Variants in CEP192 observed in about 807,000 individuals in gnomAD.
CEP192 encodes the protein centrosomal protein 192, also known as centrosomal protein of 192 kDa.
In CEP192, 151 loss-of-function variants were observed where a neutral mutation model predicts 271.8. The ratio of observed to expected loss-of-function variants is 0.56; its 90% confidence interval spans 0.49 to 0.64. The LOEUF (loss-of-function observed/expected upper bound fraction) is 0.64. Ranked by LOEUF, CEP192 falls within the 30% of genes least tolerant of loss-of-function variation. The pLI is 0.00. For missense variants in CEP192, 2,910 were observed against 3,020.5 expected, an observed-to-expected ratio of 0.96 and a Z score of 0.86; for synonymous variants, 995 against 1,076.5, an observed-to-expected ratio of 0.92 and a Z score of 1.48.
rs375604940 is a variant in CEP192 at position 13,115,374 on chromosome 18, C to T, written c.7290-1003C>T. On this transcript the variant is annotated intron_variant, in intron 42 of 44. Transcript: ENST00000506447. ...TTAAGTTGAGGAGGATGAGTGGAAA[C>T]GGCCTAGGTGAGGAGGGTCGGAGAA... Among the ~76,000 whole-genome samples, 146 of 152,234 alleles carry T rather than the reference C, an allele frequency of 9.6e-4. 1 individual carries two copies. The highest frequency in any genetic ancestry group is 2.9e-3 in the African/African-American group (121 of 41,532).
intron 21 of CEP192, among the ~76,000 whole-genome samples, chr18:13,064,112 C>A (rs1598487956): frequency 6.6e-6 from 1 of 151,734 alleles, no homozygotes; most frequent in Admixed American, 6.6e-5. Flanking sequence ...AGCCACTGTG[C>A]CTGGCCCCAG....
At chr18:13,124,429 GT>G in intron 44 of CEP192, 1 of 467,552 alleles carries the variant, frequency 2.1e-6, no homozygotes, top group Non-Finnish European at 3.8e-6. Flanking sequence ...ATGCAATACT[GT>G]TTTAATCCAA....
rs1379546085 is a variant in CEP192 at position 13,004,703 on chromosome 18, C to T, written c.290+3121C>T. On this transcript the variant is annotated intron_variant, in intron 3 of 44. Coordinates refer to ENST00000506447, the MANE Select transcript of CEP192 (RefSeq NM_032142.4). The stretch of plus-strand genomic sequence containing the variant: ...ATGGGACCACAGGAAAATGAATGGA[C>T]AGAGTTGAAATGTTAGGATTCCTGG... Among the ~76,000 whole-genome samples the T allele has an allele frequency of 5.3e-5, 8 of 152,054 alleles. No individual in the cohort carries two copies. The East Asian group carries it at 1.3e-3, about 26-fold the overall frequency.
chr18:13,045,474 G>T (rs2036425546), intron 15 of CEP192, among the ~76,000 whole-genome samples: 1 of 152,126 alleles, frequency 6.6e-6, no homozygotes, highest in Admixed American at 6.5e-5. Flanking sequence ...CTCAGCATTT[G>T]TTCAATTTTT....
chr18:13,072,801 C>G lies in CEP192; in HGVS notation c.5395C>G (p.His1799Asp). 1 of 1,612,982 alleles carries G rather than the reference C, an allele frequency of 6.2e-7. No homozygotes were observed. Among genetic ancestry groups the G allele is most frequent in the Non-Finnish European group, 8.5e-7 (1 of 1,178,914 alleles). The change falls in exon 29 of 45, where the codon CAT (histidine) becomes GAT (aspartate). Residue 1799 changes from histidine to aspartate, a missense_variant. By Grantham distance (81) the His-to-Asp change is moderately conservative (BLOSUM62 -1). Transcript: ENST00000506447. ...LRNNSASTTQ[H>D]LRLLIRGQDQ... is the part of the protein sequence containing the mutation. ...AAATAATTCTGCATCTACAACTCAA[C>G]ATTTACGACTGCTTATTAGAGGACA...
At position 13,029,844 on chromosome 18, in the gene CEP192, A is replaced by T. The variant is rs968535062; in HGVS notation, c.1232A>T (p.Asp411Val). ...GTTTTGCACATGGATGGATGTTTAG[A>T]CACTGAGACTCCTACGGTGTCCATT... ...KTVLHMDGCL[D>V]TETPTVSIQE... Residue 411 changes from aspartate to valine, a missense_variant, in exon 10 of 45, where the codon GAC (aspartate) becomes GTC (valine). Asp to Val is a radical substitution (Grantham distance 152). Transcript: ENST00000506447. The T allele has an allele frequency of 1.5e-5, 24 of 1,551,598 alleles. 1 individual carries two copies. In the African/African-American group the frequency reaches 3.0e-4, roughly 19 times the overall value.
chr18:13,087,588 G>A lies in CEP192; in HGVS notation c.5935G>A (p.Glu1979Lys), dbSNP rs377595356. 12 of 1,586,570 alleles carry A rather than the reference G, an allele frequency of 7.6e-6. No individual in the cohort carries two copies. Among genetic ancestry groups the A allele is most frequent in the Non-Finnish European group, 9.4e-6 (11 of 1,166,382 alleles). The change falls in exon 32 of 45, where the codon GAA (glutamate) becomes AAA (lysine). Residue 1979 changes from glutamate to lysine, a missense_variant. Coordinates refer to ENST00000506447, the MANE Select transcript of CEP192 (RefSeq NM_032142.4). Reference protein sequence around the residue: ...DRGINNKTATELSTVYLFGGD... With the variant: ...DRGINNKTATKLSTVYLFGGD... ...AGGAATCAATAATAAAACTGCAACA[G>A]AACTATCAACTGTATACTTATTTGG...
chr18:13,012,830 C>T (rs1339322802), intron 4 of CEP192, 143 bp from the exon 5 acceptor site: 2 of 493,894 alleles, frequency 4.0e-6, no homozygotes, highest in Non-Finnish European at 7.2e-6. Context: ...TGTAACTGAC[C>T]TATGATGGAT....
chr18:13,037,956 A>G (rs1385705523), intron 12 of CEP192, among the ~76,000 whole-genome samples: 1 of 152,128 alleles, frequency 6.6e-6, no homozygotes, highest in Non-Finnish European at 1.5e-5. Context: ...CTTATTTTGA[A>G]GATTCAAAAT....
At chr18:13,034,820 TAAA>T (rs33997079) in intron 11 of CEP192, among the ~76,000 whole-genome samples, 6 of 104,518 alleles carry the variant, frequency 5.7e-5, no homozygotes, top group African/African-American at 1.4e-4. Context: ...CTCTGTCTCA[TAAA>T]AAAAAAAAAA....
chr18:13,078,287 A>T (rs2038396935), intron 30 of CEP192, among the ~76,000 whole-genome samples: 1 of 152,136 alleles, frequency 6.6e-6, no homozygotes, highest in African/African-American at 2.4e-5. Flanking sequence ...GCTGTATAGT[A>T]TTCTATGGTG....
At chr18:13,009,833 A>G (rs2034226111) in intron 4 of CEP192, among the ~76,000 whole-genome samples, 1 of 152,304 alleles carries the variant, frequency 6.6e-6, no homozygotes, top group East Asian at 1.9e-4. Context: ...CCTTCGTCTC[A>G]AAAAGAAAAA....
chr18:13,104,875 C>T (rs2039879254), intron 39 of CEP192, 109 bp from the exon 40 acceptor site: 14 of 834,928 alleles, frequency 1.7e-5, no homozygotes, highest in African/African-American at 3.4e-5. Context: ...TTTTTGTCCA[C>T]TGCTAAGTGT....
intron 18 of CEP192, among the ~76,000 whole-genome samples, chr18:13,053,484 T>C (rs573783895): frequency 3.9e-5 from 6 of 152,240 alleles, no homozygotes; most frequent in African/African-American, 1.4e-4. Context: ...GAAGCAGAGT[T>C]AACACATGGG....
At chr18:13,096,437 T>C (rs556371) in intron 36 of CEP192, 130 bp downstream of exon 36, 769,091 of 1,194,130 alleles carry the variant, frequency 0.64, 252,734 homozygotes, top group African/African-American at 0.89. Context: ...GCACAAAGCA[T>C]GTGCATGGTT....
At position 13,087,646 on chromosome 18, in the gene CEP192, G is replaced by A. The variant is rs1346559757; in HGVS notation, c.5993G>A (p.Arg1998Lys). Residue 1998 changes from arginine (R) to lysine (K), a missense_variant and splice_region_variant, in exon 32 of 45, where the codon AGG becomes AAG. By Grantham distance (26) the Arg-to-Lys change is conservative. Transcript: ENST00000506447. ...GAAATTTCAAGACAGCAGTATCGCA[G>A]GTAGATTACTTATCTTACACAATGT... ...GDEISRQQYR[R>K]ALLHKPEMIK... The A allele has an allele frequency of 2.1e-6, 3 of 1,441,492 alleles. No homozygotes were observed. The highest frequency in any genetic ancestry group is 2.9e-6 in the Non-Finnish European group (3 of 1,052,400). 89.3% of individuals were successfully genotyped at this position (1,441,492 alleles called of 1,614,324 possible).
At chr18:12,998,763 G>C (rs140157556) in intron 1 of CEP192, among the ~76,000 whole-genome samples, 60 of 151,726 alleles carry the variant, frequency 4.0e-4, no homozygotes, top group African/African-American at 1.3e-3. Context: ...TATATGATAC[G>C]TACTCTGAAA....
At chr18:13,043,710 A>AT (rs1483960492) in intron 15 of CEP192, among the ~76,000 whole-genome samples, 1 of 152,214 alleles carries the variant, frequency 6.6e-6, no homozygotes, top group Non-Finnish European at 1.5e-5. Flanking sequence ...GAGCAGTAAA[A>AT]TTGACATCTT....
chr18:13,050,116 A>T (rs2036698887), intron 17 of CEP192, among the ~76,000 whole-genome samples: 1 of 152,140 alleles, frequency 6.6e-6, no homozygotes, highest in Non-Finnish European at 1.5e-5. Flanking sequence ...AAAACTAGTA[A>T]TGTTACAGAC....
Sources: gnomAD v4.1 joint callset for allele counts (sites outside exome capture counted in the v4.1 genomes callset) on GRCh38, gnomAD v4.1.1 for gene constraint, MANE v1.5 for transcripts, NCBI Gene and HGNC (gene_info 2026-07-23, HGNC 2026-07-21) for gene names.